Variants in SYNDIG1 observed in about 807,000 individuals in gnomAD.
SYNDIG1 encodes synapse differentiation inducing 1, also known as synapse differentiation-inducing gene protein 1.
A neutral mutation model predicts 19.4 loss-of-function variants in SYNDIG1; 9 were observed. The observed-to-expected ratio is 0.46, with a 90% CI of 0.28 to 0.81. The LOEUF is 0.81. Ranked by LOEUF, SYNDIG1 falls within the 30% of genes least tolerant of loss-of-function variation. SYNDIG1 has a pLI of 0.12. For missense variants in SYNDIG1, 311 were observed against 343.3 expected (o/e 0.91, Z 0.74); for synonymous variants, 141 against 145.9 (o/e 0.97, Z 0.24).
At chr20:24,517,595 G>C (rs868244204) in intron 1 of SYNDIG1, among the ~76,000 whole-genome samples, 2 of 143,158 alleles carry the variant, frequency 1.4e-5, no homozygotes, top group African/African-American at 5.1e-5. Flanking sequence ...CTCCAGCCTG[G>C]GTGACAGAGT....
At chr20:24,522,577 T>C (rs927583514) in intron 1 of SYNDIG1, among the ~76,000 whole-genome samples, 1 of 152,220 alleles carries the variant, frequency 6.6e-6, no homozygotes, top group East Asian at 1.9e-4. Flanking sequence ...TACTGTTGTA[T>C]TCATTTCACT....
At chr20:24,486,471 A>G (rs1375840848) in intron 1 of SYNDIG1, among the ~76,000 whole-genome samples, 1 of 152,218 alleles carries the variant, frequency 6.6e-6, no homozygotes, top group Non-Finnish European at 1.5e-5. Flanking sequence ...AGTCTATAAT[A>G]TTAAAGCAGC....
chr20:24,508,865 C>A (rs186953356), intron 1 of SYNDIG1, among the ~76,000 whole-genome samples: 9 of 152,084 alleles, frequency 5.9e-5, no homozygotes, highest in Non-Finnish European at 1.3e-4. Context: ...GAGGTGGAAG[C>A]GGGAGGCTGA....
chr20:24,528,887 G>A (rs2057182223), intron 1 of SYNDIG1, among the ~76,000 whole-genome samples: 1 of 152,196 alleles, frequency 6.6e-6, no homozygotes, highest in Non-Finnish European at 1.5e-5. Flanking sequence ...AAGAATCACA[G>A]TGGTGGATTC....
chr20:24,496,160 A>G (rs1451668398), intron 1 of SYNDIG1, among the ~76,000 whole-genome samples: 1 of 152,160 alleles, frequency 6.6e-6, no homozygotes, highest in East Asian at 1.9e-4. Flanking sequence ...TCTGTTTTTA[A>G]AAACTGGGGT....
intron 1 of SYNDIG1, among the ~76,000 whole-genome samples, chr20:24,511,547 C>T (rs1306252545): frequency 6.6e-6 from 1 of 152,104 alleles, no homozygotes; most frequent in Non-Finnish European, 1.5e-5. Context: ...CCACTCCCTT[C>T]TTGAGGGGAC....
At chr20:24,482,401 A>G (rs549948965) in intron 1 of SYNDIG1, among the ~76,000 whole-genome samples, 9 of 152,320 alleles carry the variant, frequency 5.9e-5, no homozygotes, top group African/African-American at 7.2e-5. Flanking sequence ...GAAAATGCAC[A>G]TGAAAGTTAG....
At chr20:24,569,004 G>A (rs768519051) in intron 2 of SYNDIG1, among the ~76,000 whole-genome samples, 5 of 152,146 alleles carry the variant, frequency 3.3e-5, no homozygotes, top group Admixed American at 6.5e-5. Context: ...AGCTCATCAC[G>A]CCAACCTGGG....
At chr20:24,498,292 T>C (rs189075241) in intron 1 of SYNDIG1, among the ~76,000 whole-genome samples, 2 of 152,320 alleles carry the variant, frequency 1.3e-5, no homozygotes, top group East Asian at 3.9e-4. Context: ...TTATTATTAT[T>C]AGTAGTAGTA....
At chr20:24,612,868 C>G (rs1348973870) in intron 3 of SYNDIG1, among the ~76,000 whole-genome samples, 1 of 152,248 alleles carries the variant, frequency 6.6e-6, no homozygotes, top group Non-Finnish European at 1.5e-5. Flanking sequence ...CAACAGGACA[C>G]ATCCTGTGTG....
intron 3 of SYNDIG1, among the ~76,000 whole-genome samples, chr20:24,645,298 G>C (rs926376441): frequency 2.6e-5 from 4 of 152,178 alleles, no homozygotes; most frequent in African/African-American, 9.7e-5. Context: ...TATTTCAATG[G>C]GAAGCATCTG....
chr20:24,640,305 TG>T (rs1161122188), intron 3 of SYNDIG1, among the ~76,000 whole-genome samples: 5 of 132,474 alleles, frequency 3.8e-5, no homozygotes, highest in Non-Finnish European at 7.9e-5. Flanking sequence ...TGGGTGACAG[TG>T]AGAAAAAAAA....
intron 3 of SYNDIG1, among the ~76,000 whole-genome samples, chr20:24,635,000 G>A (rs976560627): frequency 1.3e-5 from 2 of 152,066 alleles, no homozygotes; most frequent in Admixed American, 6.5e-5. Flanking sequence ...GCTCCCACAC[G>A]GCAGCCCCAG....
chr20:24,606,545 G>A (rs6049810), intron 3 of SYNDIG1, among the ~76,000 whole-genome samples: 92,330 of 152,094 alleles, frequency 0.61, 28,252 homozygotes, highest in Admixed American at 0.66. Context: ...ATATTATTGA[G>A]AAAGTTATTA....
chr20:24,640,816 C>T (rs769456972), intron 3 of SYNDIG1, among the ~76,000 whole-genome samples: 7 of 152,144 alleles, frequency 4.6e-5, no homozygotes, highest in Non-Finnish European at 1.0e-4. Context: ...AAACTAGCAA[C>T]CCGATAGCAT....
At chr20:24,516,428 A>G (rs886471605) in intron 1 of SYNDIG1, among the ~76,000 whole-genome samples, 1 of 152,184 alleles carries the variant, frequency 6.6e-6, no homozygotes, top group Non-Finnish European at 1.5e-5. Flanking sequence ...TTTGCAATCT[A>G]CTCATCTGAC....
intron 1 of SYNDIG1, among the ~76,000 whole-genome samples, chr20:24,516,872 G>A (rs1215618503): frequency 6.6e-6 from 1 of 152,114 alleles, no homozygotes. Context: ...TGCAGCACTA[G>A]TCACAATAGC....
chr20:24,578,719 C>T (rs1295271319), intron 2 of SYNDIG1, among the ~76,000 whole-genome samples: 1 of 152,136 alleles, frequency 6.6e-6, no homozygotes, highest in Non-Finnish European at 1.5e-5. Flanking sequence ...AGGGCACACA[C>T]GCATGTGGGA....
At chr20:24,663,775 C>T (rs890985992) in intron 3 of SYNDIG1, among the ~76,000 whole-genome samples, 1 of 152,230 alleles carries the variant, frequency 6.6e-6, no homozygotes, top group African/African-American at 2.4e-5. Context: ...CTCTGCACCC[C>T]TTTGCATAGC....
Sources: gnomAD v4.1 joint callset for allele counts (sites outside exome capture counted in the v4.1 genomes callset) on GRCh38, gnomAD v4.1.1 for gene constraint, MANE v1.5 for transcripts, NCBI Gene and HGNC (gene_info 2026-07-23, HGNC 2026-07-21) for gene names.